The following CTNNA3 variants were observed in gnomAD, a reference collection of about 807,000 sequenced individuals.
The protein encoded by CTNNA3 is catenin alpha 3, also known as catenin alpha-3.
Under a neutral mutation model 95.7 loss-of-function variants are expected in CTNNA3, and 76 were observed. The observed-to-expected ratio is 0.79, with a 90% CI of 0.66 to 0.96. The LOEUF is 0.96. CTNNA3 is among the 40% of genes least tolerant of loss of function. CTNNA3 has a pLI of 0.00. For synonymous variants in CTNNA3, 431 were observed against 374.4 expected (o/e 1.15, Z -1.74); for missense variants, 1,191 against 1,089.8 (o/e 1.09, Z -1.31).
chr10:66,086,526 C>T lies in CTNNA3; in HGVS notation c.1977+16631G>A, dbSNP rs190921396. On this transcript the variant is annotated intron_variant, in intron 14 of 17. Coordinates refer to ENST00000433211, the MANE Select transcript of CTNNA3 (RefSeq NM_013266.4). ...AAGTAGCAGAATAAACATATGTTTG[C>T]AAATTATTTTATTTTACCAAGTAAG... is the stretch of plus-strand genomic sequence containing the variant. Among the ~76,000 whole-genome samples, 386 of 151,828 alleles carry T rather than the reference C, an allele frequency of 2.5e-3. 5 individuals carry two copies. Among genetic ancestry groups the T allele is most frequent in the African/African-American group, 9.0e-3 (374 of 41,412 alleles).
At chr10:66,814,854 T>C (rs989473331) in intron 7 of CTNNA3, among the ~76,000 whole-genome samples, 79 of 145,372 alleles carry the variant, frequency 5.4e-4, no homozygotes, top group Admixed American at 6.2e-4. Context: ...TAGCATTCTT[T>C]TTTTTTTTTT....
At chr10:66,160,957 C>T (rs140793140) in intron 13 of CTNNA3, among the ~76,000 whole-genome samples, 5,458 of 152,142 alleles carry the variant, frequency 0.036, 316 homozygotes, top group African/African-American at 0.12. Flanking sequence ...CTTTTAACTG[C>T]TGTTGTTTTA....
intron 7 of CTNNA3, among the ~76,000 whole-genome samples, chr10:66,794,399 T>C (rs968407517): frequency 1.3e-5 from 2 of 152,206 alleles, no homozygotes; most frequent in East Asian, 1.9e-4. Context: ...GTTTACACAA[T>C]ACTTTAGCCT....
At chr10:66,807,233 T>C (rs1841690194) in intron 7 of CTNNA3, among the ~76,000 whole-genome samples, 1 of 152,070 alleles carries the variant, frequency 6.6e-6, no homozygotes, top group Non-Finnish European at 1.5e-5. Flanking sequence ...CAAAAAAAGT[T>C]CAGCCTCAGA....
rs150450186 is a variant in CTNNA3, at chr10:66,562,772, A to C, written c.1375-41999T>G. On this transcript the variant is annotated intron_variant, in intron 10 of 17. Transcript: ENST00000433211. ...GTCTAATAACTATATTTATTATTTT[A>C]TAAAATAATACTTTTAAGTATATAA... 2.1e-4 allele frequency among the ~76,000 whole-genome samples: 32 copies of C among 151,934 alleles called. 1 individual carries two copies. The East Asian group carries it at 6.2e-3, about 29-fold the overall frequency.
At chr10:67,257,702 G>C (rs1390685816) in intron 5 of CTNNA3, among the ~76,000 whole-genome samples, 1 of 151,856 alleles carries the variant, frequency 6.6e-6, no homozygotes, top group Non-Finnish European at 1.5e-5. Flanking sequence ...CGTCATTTTT[G>C]TTTTGGTTTT....
At chr10:66,817,174 T>C (rs1361736282) in intron 7 of CTNNA3, among the ~76,000 whole-genome samples, 2 of 151,976 alleles carry the variant, frequency 1.3e-5, no homozygotes, top group Non-Finnish European at 2.9e-5. Flanking sequence ...CGAAAGAACT[T>C]ATTCATGTAA....
At chr10:66,814,849 T>C (rs931800444) in intron 7 of CTNNA3, among the ~76,000 whole-genome samples, 3 of 119,794 alleles carry the variant, frequency 2.5e-5, no homozygotes, top group Non-Finnish European at 4.8e-5. Context: ...AAAGTTAGCA[T>C]TCTTTTTTTT....
At chr10:66,776,124 C>T (rs746694727) in intron 7 of CTNNA3, among the ~76,000 whole-genome samples, 2 of 152,144 alleles carry the variant, frequency 1.3e-5, no homozygotes, top group Non-Finnish European at 2.9e-5. Context: ...AGCAGAACAG[C>T]TCTCTGTTAT....
chr10:66,681,537 T>C (rs1198160599), intron 9 of CTNNA3, among the ~76,000 whole-genome samples: 1 of 152,030 alleles, frequency 6.6e-6, no homozygotes, highest in Non-Finnish European at 1.5e-5. Context: ...AACAAAACAA[T>C]ATCGGAGTCC....
chr10:66,660,958 G>A (rs1347399651), intron 9 of CTNNA3, among the ~76,000 whole-genome samples: 3 of 152,114 alleles, frequency 2.0e-5, no homozygotes, highest in Non-Finnish European at 4.4e-5. Flanking sequence ...ACTAATATTG[G>A]TTAAGTGAAT....
chr10:66,665,982 C>G (rs896653957), intron 9 of CTNNA3, among the ~76,000 whole-genome samples: 1 of 152,060 alleles, frequency 6.6e-6, no homozygotes, highest in African/African-American at 2.4e-5. Context: ...CGAAGTTTTC[C>G]TACTATAAAT....
chr10:67,305,378 T>TAAAAAAA (rs562331483), intron 5 of CTNNA3, among the ~76,000 whole-genome samples: 1 of 105,494 alleles, frequency 9.5e-6, no homozygotes, highest in Non-Finnish European at 2.0e-5. Flanking sequence ...AAAAAAAAAT[T>TAAAAAAA]AAAAAAAAAA....
Position 65,918,330 on chromosome 10 carries a change from T to G in CTNNA3, c.*2000A>C, listed in dbSNP as rs2077031969. ...GGAGCTAAGATACACAACTGCTAGT[T>G]TGGTGATTTCAAAAAAATTTTCTAT... On this transcript the variant is annotated 3_prime_UTR_variant, in exon 18 of 18. Coordinates refer to ENST00000433211, the MANE Select transcript of CTNNA3 (RefSeq NM_013266.4). 1 of 152,154 alleles carries G rather than the reference T, an allele frequency of 6.6e-6. No homozygotes were observed. Among genetic ancestry groups the G allele is most frequent in the Non-Finnish European group, 1.5e-5 (1 of 68,000 alleles). The allele number at this position is 152,154 out of a possible 1,614,324, so 9.4% of individuals were successfully genotyped here. A position where few individuals can be genotyped will look rare whatever the true frequency, so the allele number is the denominator to read the frequency against.
intron 11 of CTNNA3, among the ~76,000 whole-genome samples, chr10:66,518,976 C>A (rs1840959680): frequency 6.6e-6 from 1 of 151,882 alleles, no homozygotes; most frequent in South Asian, 2.1e-4. Context: ...TGTATACATA[C>A]ATGAAAGTAA....
At chr10:66,154,378 T>C (rs944632034) in intron 13 of CTNNA3, among the ~76,000 whole-genome samples, 1 of 151,682 alleles carries the variant, frequency 6.6e-6, no homozygotes, top group Non-Finnish European at 1.5e-5. Context: ...ACCCACCCTC[T>C]CCCATACTAC....
At chr10:66,254,467 A>G (rs926452220) in intron 13 of CTNNA3, among the ~76,000 whole-genome samples, 1 of 152,142 alleles carries the variant, frequency 6.6e-6, no homozygotes, top group African/African-American at 2.4e-5. Context: ...CTCCCACTTT[A>G]AAGTCCATAA....
At chr10:67,230,135 T>C (rs1432474633) in intron 5 of CTNNA3, among the ~76,000 whole-genome samples, 1 of 152,110 alleles carries the variant, frequency 6.6e-6, no homozygotes, top group African/African-American at 2.4e-5. Flanking sequence ...CATAGACCAA[T>C]GGAACAGAAT....
chr10:66,053,880 G>A (rs1411881457), intron 15 of CTNNA3, among the ~76,000 whole-genome samples: 1 of 151,932 alleles, frequency 6.6e-6, no homozygotes, highest in East Asian at 1.9e-4. Flanking sequence ...CCAACTATAT[G>A]TTTGTACCCA....
Sources: gnomAD v4.1 joint callset for allele counts (sites outside exome capture counted in the v4.1 genomes callset) on GRCh38, gnomAD v4.1.1 for gene constraint, MANE v1.5 for transcripts, NCBI Gene and HGNC (gene_info 2026-07-23, HGNC 2026-07-21) for gene names.